The following GAPVD1 variants were observed in gnomAD, a reference collection of about 807,000 sequenced individuals.
GAPVD1 encodes GTPase activating protein and VPS9 domains 1.
Under a neutral mutation model 155.5 loss-of-function variants are expected in GAPVD1, and 35 were observed. The ratio of observed to expected loss-of-function variants is 0.23; its 90% CI spans 0.17 to 0.30. The LOEUF is 0.30. Among genes scored for constraint, GAPVD1 ranks in the 10% least tolerant of loss-of-function variants. GAPVD1 has a pLI of 1.00. For synonymous variants in GAPVD1, 636 were observed against 619.7 expected (o/e 1.03, Z -0.39); for missense variants, 1,429 against 1,775.7 (o/e 0.80, Z 3.51).
intron 19 of GAPVD1, among the ~76,000 whole-genome samples, chr9:125,343,639 G>A (rs562809807): frequency 5.2e-4 from 79 of 152,314 alleles, no homozygotes; most frequent in Non-Finnish European, 5.7e-4. Flanking sequence ...CCTGCTGAGA[G>A]CAGCTAAGCC....
Position 125,357,904 on chromosome 9 carries a change from G to T in GAPVD1, c.3972-1516G>T, listed in dbSNP as rs141376201. ...GCAGGAGGATTGCTTGAACCCAGGA[G>T]GCAGAGGTTGCAGAGAGCCAAGATC... On this transcript the variant is annotated intron_variant, in intron 25 of 27. Coordinates refer to ENST00000297933, the MANE Select transcript of GAPVD1 (RefSeq NM_001282680.3). Among the ~76,000 whole-genome samples the T allele has an allele frequency of 8.0e-3, 1,212 of 151,860 alleles. 38 individuals are homozygous for T. In the East Asian group the frequency reaches 0.098, roughly 12 times the overall value.
At chr9:125,307,319 G>T (rs2131067020) in intron 6 of GAPVD1, 94 bp from the exon 7 acceptor site, 4 of 833,812 alleles carry the variant, frequency 4.8e-6, no homozygotes, top group East Asian at 2.8e-5. Flanking sequence ...TTTTTAAGAT[G>T]TTTAAATTTT....
At chr9:125,311,133 A>G (rs1004875458) in intron 8 of GAPVD1, among the ~76,000 whole-genome samples, 1 of 152,094 alleles carries the variant, frequency 6.6e-6, no homozygotes, top group African/African-American at 2.4e-5. Context: ...GAGCCACTAC[A>G]CCCAGCAATT....
intron 15 of GAPVD1, among the ~76,000 whole-genome samples, chr9:125,335,700 C>A (rs1261070427): frequency 6.6e-6 from 1 of 151,894 alleles, no homozygotes; most frequent in Non-Finnish European, 1.5e-5. Context: ...TGGACAGCCT[C>A]CCAAACCAGA....
intron 9 of GAPVD1, among the ~76,000 whole-genome samples, chr9:125,319,181 TATA>T (rs201922569): frequency 9.5e-4 from 132 of 139,290 alleles, no homozygotes; most frequent in African/African-American, 3.2e-3. Context: ...GTCTCAAAAA[TATA>T]ATAATAATAA....
intron 17 of GAPVD1, among the ~76,000 whole-genome samples, chr9:125,339,987 G>A (rs1012415536): frequency 1.3e-5 from 2 of 152,158 alleles, no homozygotes; most frequent in Non-Finnish European, 2.9e-5. Context: ...GGCTATTAAA[G>A]GAATTACAGT....
At chr9:125,333,237 C>G (rs770867552) in intron 15 of GAPVD1, among the ~76,000 whole-genome samples, 1 of 151,880 alleles carries the variant, frequency 6.6e-6, no homozygotes, top group Non-Finnish European at 1.5e-5. Flanking sequence ...CCCACCACCA[C>G]GCCCAGCTAA....
In GAPVD1 at chr9:125,305,052, T is replaced by C; in HGVS notation, c.1030-11T>C. 6.3e-7 allele frequency: 1 copy of C among 1,598,044 alleles called. No homozygotes were observed. Among genetic ancestry groups the C allele is most frequent in the Admixed American group, 1.7e-5 (1 of 59,954 alleles). ...TAGCTTATGTCTCCCTACCACTGCT[T>C]TGGGTTGCAGGTAGGCCGCCTTTTG... On this transcript the variant is annotated splice_polypyrimidine_tract_variant and intron_variant, in intron 5 of 27. Transcript: ENST00000297933.
intron 25 of GAPVD1, 46 bp from the exon 26 acceptor site, chr9:125,359,374 A>G: frequency 9.6e-7 from 1 of 1,042,852 alleles, no homozygotes; most frequent in Admixed American, 1.7e-5. Flanking sequence ...TGTGTACCAT[A>G]TTTTCTGAAA....
intron 2 of GAPVD1, among the ~76,000 whole-genome samples, chr9:125,274,761 C>T (rs1360114253): frequency 2.0e-5 from 3 of 152,192 alleles, no homozygotes; most frequent in East Asian, 1.9e-4. Context: ...TGTGCCTGGC[C>T]GCTTTATTCA....
At chr9:125,319,091 G>A (rs1334383631) in intron 9 of GAPVD1, among the ~76,000 whole-genome samples, 1 of 152,018 alleles carries the variant, frequency 6.6e-6, no homozygotes, top group East Asian at 1.9e-4. Flanking sequence ...CAGGAGAATC[G>A]CTTGAAACTG....
chr9:125,339,828 T>C (rs1166290215), intron 17 of GAPVD1, among the ~76,000 whole-genome samples: 1 of 152,256 alleles, frequency 6.6e-6, no homozygotes, highest in Non-Finnish European at 1.5e-5. Flanking sequence ...TCAGTTCTCC[T>C]GTATGTATTC....
chr9:125,303,688 A>G (rs1332959515), intron 5 of GAPVD1, among the ~76,000 whole-genome samples: 1 of 150,816 alleles, frequency 6.6e-6, no homozygotes, highest in African/African-American at 2.4e-5. Flanking sequence ...AGGCAGGAGA[A>G]TTGCTTGAAC....
chr9:125,312,655 T>A, intron 9 of GAPVD1, 43 bp downstream of exon 9: 1 of 1,437,972 alleles, frequency 7.0e-7, no homozygotes, highest in Non-Finnish European at 9.4e-7. Flanking sequence ...CATGTCTTAG[T>A]CCATACAGGC....
intron 8 of GAPVD1, chr9:125,308,575 T>C (rs1564357715): frequency 6.6e-6 from 1 of 151,702 alleles, no homozygotes; most frequent in African/African-American, 2.4e-5. Context: ...AGAATTCTAT[T>C]TAATTAAGCC....
In GAPVD1 at chr9:125,326,432, C is replaced by T. The variant is rs1374212877; in HGVS notation, c.1875C>T (p.Asn625=). The T allele has an allele frequency of 1.2e-6, 2 of 1,611,344 alleles. No individual in the cohort carries two copies. The highest frequency in any genetic ancestry group is 1.7e-5 in the Admixed American group (1 of 59,984). ...TTTTGATAGCTACAACACAGGATAA[C>T]CTTGATGATAAGCTAAGGAAGTTTG... ...LEHEQATTQD[N]LDDKLRKFEI... is the part of the protein sequence containing the mutation. The change falls in exon 12 of 28, where the codon AAC becomes AAT. Residue 625 remains asparagine, a synonymous_variant. Transcript: ENST00000297933.
intron 2 of GAPVD1, among the ~76,000 whole-genome samples, chr9:125,293,876 ATATATATATATATATATATATATATAT>A (rs1369830764): frequency 5.5e-5 from 1 of 18,218 alleles, no homozygotes; most frequent in Non-Finnish European, 1.0e-4. Context: ...ATATATATAT[ATATATATATATATATATATATATATAT>A]AAGTTTTTGT....
intron 1 of GAPVD1, among the ~76,000 whole-genome samples, chr9:125,262,593 A>C (rs1372518466): frequency 6.6e-6 from 1 of 152,210 alleles, no homozygotes; most frequent in African/African-American, 2.4e-5. Flanking sequence ...ATAAATGTGC[A>C]TAAAAACAGG....
In GAPVD1 at chr9:125,298,942, T is replaced by C; in HGVS notation, c.21T>C (p.His7=). ...TGAAGATGGTGAAACTAGATATTCA[T>C]ACTCTGGCTCATCACCTCAAGCAGG... MVKLDI[H]TLAHHLKQER... is the part of the protein sequence containing the mutation. The change falls in exon 4 of 28, where the codon CAT becomes CAC. Residue 7 remains histidine, a synonymous_variant. Coordinates refer to ENST00000297933, the MANE Select transcript of GAPVD1 (RefSeq NM_001282680.3). 2 of 1,607,260 alleles carry C rather than the reference T, an allele frequency of 1.2e-6. No homozygotes were observed. Among genetic ancestry groups the C allele is most frequent in the Non-Finnish European group, 1.7e-6 (2 of 1,177,146 alleles).
Sources: gnomAD v4.1 joint callset for allele counts (sites outside exome capture counted in the v4.1 genomes callset) on GRCh38, gnomAD v4.1.1 for gene constraint, MANE v1.5 for transcripts, NCBI Gene and HGNC (gene_info 2026-07-23, HGNC 2026-07-21) for gene names.